The following ME3 variants were observed in gnomAD, a reference collection of about 807,000 sequenced individuals.
The protein encoded by ME3 is malic enzyme 3.
In ME3, 48 loss-of-function variants were observed where a neutral mutation model predicts 68.9. That is an observed-to-expected ratio of 0.70 (90% CI 0.55 to 0.89). ME3 has a LOEUF of 0.89. Ranked by LOEUF, ME3 falls within the 40% of genes least tolerant of loss-of-function variation. The pLI, the probability that ME3 is intolerant of heterozygous loss-of-function variation, is 0.00. For synonymous variants in ME3, 320 were observed against 318.8 expected (o/e 1.00, Z -0.04); for missense variants, 675 against 797.4 (o/e 0.85, Z 1.85).
chr11:86,663,315 A>G (rs1946397117), intron 2 of ME3, among the ~76,000 whole-genome samples: 1 of 152,144 alleles, frequency 6.6e-6, no homozygotes, highest in Non-Finnish European at 1.5e-5. Flanking sequence ...TCCTCAAATG[A>G]CAGGTGCATT....
intron 4 of ME3, among the ~76,000 whole-genome samples, chr11:86,535,623 A>G (rs1414952028): frequency 6.6e-6 from 1 of 152,200 alleles, no homozygotes; most frequent in Non-Finnish European, 1.5e-5. Context: ...TTTAAATCCA[A>G]TTAAGTTTCA....
intron 5 of ME3, 113 bp from the exon 6 acceptor site, chr11:86,498,237 G>A (rs768050415): frequency 5.6e-5 from 71 of 1,273,720 alleles, no homozygotes; most frequent in East Asian, 7.8e-5. Context: ...TGACTTTGCC[G>A]GTGTGAAAGA....
At chr11:86,661,658 G>C (rs749731722) in intron 2 of ME3, among the ~76,000 whole-genome samples, 4 of 152,084 alleles carry the variant, frequency 2.6e-5, no homozygotes, top group Non-Finnish European at 4.4e-5. Flanking sequence ...CACTTCCACA[G>C]GTGTCAGCCT....
At chr11:86,461,320 GA>G (rs1378652386) in intron 8 of ME3, among the ~76,000 whole-genome samples, 1 of 152,216 alleles carries the variant, frequency 6.6e-6, no homozygotes, top group Non-Finnish European at 1.5e-5. Context: ...CCCAGTGAGG[GA>G]GGGGGGGATG....
At chr11:86,660,808 C>T (rs937656503) in intron 2 of ME3, among the ~76,000 whole-genome samples, 2 of 151,382 alleles carry the variant, frequency 1.3e-5, no homozygotes, top group African/African-American at 2.5e-5. Flanking sequence ...AGAGGAAGTG[C>T]ACCTGGCACA....
intron 2 of ME3, among the ~76,000 whole-genome samples, chr11:86,590,590 AGAG>A (rs936446654): frequency 6.6e-6 from 1 of 152,300 alleles, no homozygotes; most frequent in African/African-American, 2.4e-5. Flanking sequence ...ACCTCAAGGC[AGAG>A]GAGATTTGGG....
At chr11:86,530,357 A>T (rs915257643) in intron 4 of ME3, among the ~76,000 whole-genome samples, 15 of 152,258 alleles carry the variant, frequency 9.9e-5, no homozygotes, top group Admixed American at 5.9e-4. Context: ...GAGGATACAA[A>T]AAAATGGAAG....
intron 7 of ME3, among the ~76,000 whole-genome samples, chr11:86,482,005 C>T (rs1333355623): frequency 6.6e-6 from 1 of 152,190 alleles, no homozygotes; most frequent in African/African-American, 2.4e-5. Context: ...GCCATTCTTA[C>T]CAACAATATC....
chr11:86,464,568 T>C (rs1212717780), intron 8 of ME3, among the ~76,000 whole-genome samples: 2 of 152,210 alleles, frequency 1.3e-5, no homozygotes, highest in African/African-American at 4.8e-5. Context: ...TTGTCCTGAC[T>C]TCCTGACAGA....
intron 2 of ME3, among the ~76,000 whole-genome samples, chr11:86,648,024 C>G (rs1203516113): frequency 6.6e-6 from 1 of 152,222 alleles, no homozygotes; most frequent in Non-Finnish European, 1.5e-5. Flanking sequence ...TACTCCTCAG[C>G]AAATGCAAAA....
chr11:86,483,586 C>A (rs1293345184), intron 7 of ME3, among the ~76,000 whole-genome samples: 2 of 151,116 alleles, frequency 1.3e-5, no homozygotes, highest in African/African-American at 4.9e-5. Context: ...AATGGAGAGA[C>A]TAAAAAAAAA....
chr11:86,627,864 C>A (rs1196970365), intron 2 of ME3, among the ~76,000 whole-genome samples: 1 of 152,206 alleles, frequency 6.6e-6, no homozygotes, highest in East Asian at 1.9e-4. Context: ...CTTCAGTTAA[C>A]ACCACGCATA....
chr11:86,656,268 T>A (rs1294326177), intron 2 of ME3, among the ~76,000 whole-genome samples: 1 of 152,082 alleles, frequency 6.6e-6, no homozygotes, highest in African/African-American at 2.4e-5. Context: ...CAAAAGATTA[T>A]AAATCATGCT....
chr11:86,664,740 G>A (rs552035881), intron 2 of ME3, among the ~76,000 whole-genome samples: 137 of 152,280 alleles, frequency 9.0e-4, no homozygotes, highest in African/African-American at 3.1e-3. Context: ...CCTAACTCTG[G>A]TCTATTCCCT....
intron 4 of ME3, among the ~76,000 whole-genome samples, chr11:86,509,870 C>A (rs1953389424): frequency 6.6e-6 from 1 of 152,060 alleles, no homozygotes. Context: ...AAATCAACTC[C>A]CTCCTAGAAC....
At chr11:86,654,547 C>T (rs1435573288) in intron 2 of ME3, among the ~76,000 whole-genome samples, 1 of 152,190 alleles carries the variant, frequency 6.6e-6, no homozygotes, top group African/African-American at 2.4e-5. Flanking sequence ...AATTCAACAA[C>T]CCTTCATGCT....
chr11:86,568,557 C>T (rs1180096488), intron 2 of ME3, among the ~76,000 whole-genome samples: 1 of 152,192 alleles, frequency 6.6e-6, no homozygotes, highest in Non-Finnish European at 1.5e-5. Context: ...CCCAAGTTAC[C>T]AGGATGAAAT....
chr11:86,595,658 T>C (rs537143941), intron 2 of ME3, among the ~76,000 whole-genome samples: 1 of 152,240 alleles, frequency 6.6e-6, no homozygotes, highest in South Asian at 2.1e-4. Flanking sequence ...TGAGGGGAAG[T>C]GTGGAGAACT....
rs568789381 is a variant in ME3, at chr11:86,450,975, C to CATCTA, written c.920-582_920-578dup. On this transcript the variant is annotated intron_variant, in intron 8 of 14. Coordinates refer to ENST00000543262, the Ensembl canonical transcript of ME3. The stretch of plus-strand genomic sequence containing the variant: ...ACATGACTTCTTCTCCCTGAATCCA[C>CATCTA]ATCTAAGGCCTCACTGGGGATTCCT... Among the ~76,000 whole-genome samples, 223 of 152,356 alleles carry CATCTA rather than the reference C, an allele frequency of 1.5e-3. 1 individual carries two copies. The highest frequency in any genetic ancestry group is 3.4e-3 in the Middle Eastern group (1 of 294).
Sources: allele counts gnomAD v4.1 joint callset (sites outside exome capture counted in the v4.1 genomes callset), GRCh38; gene constraint gnomAD v4.1.1; transcripts MANE v1.5; gene names NCBI Gene and HGNC (gene_info 2026-07-23, HGNC 2026-07-21).